EXOC4: variants seen among roughly 807,000 people sequenced by gnomAD.
EXOC4 encodes SEC8-like 1.
Under a neutral mutation model 107.2 loss-of-function variants are expected in EXOC4, and 71 were observed. The ratio of observed to expected loss-of-function variants is 0.66; its 90% confidence interval spans 0.55 to 0.81. The LOEUF is 0.81. Among genes scored for constraint, EXOC4 ranks in the 30% least tolerant of loss-of-function variants. The pLI is 0.00. For missense variants in EXOC4, 1,108 were observed against 1,189.6 expected, an observed-to-expected ratio of 0.93 and a Z score of 1.01; for synonymous variants, 456 against 441.2, an observed-to-expected ratio of 1.03 and a Z score of -0.42.
At chr7:133,974,905 G>A (rs1793791371) in intron 14 of EXOC4, among the ~76,000 whole-genome samples, 1 of 152,172 alleles carries the variant, frequency 6.6e-6, no homozygotes, top group Non-Finnish European at 1.5e-5. Flanking sequence ...TATTGATTTT[G>A]CAAGTAGTAA....
At chr7:133,635,080 T>C (rs1413658309) in intron 10 of EXOC4, among the ~76,000 whole-genome samples, 1 of 152,192 alleles carries the variant, frequency 6.6e-6, no homozygotes, top group Non-Finnish European at 1.5e-5. Flanking sequence ...TGAGTGACAT[T>C]ATTTCTCTTC....
At chr7:133,863,625 G>T (rs1798578666) in intron 11 of EXOC4, among the ~76,000 whole-genome samples, 1 of 152,130 alleles carries the variant, frequency 6.6e-6, no homozygotes, top group Non-Finnish European at 1.5e-5. Context: ...TGGTTATATG[G>T]GTGATTTCAC....
At chr7:133,848,533 G>GTA (rs1798180173) in intron 11 of EXOC4, among the ~76,000 whole-genome samples, 1 of 152,200 alleles carries the variant, frequency 6.6e-6, no homozygotes, top group Non-Finnish European at 1.5e-5. Context: ...AGATAGAATG[G>GTA]TATATTCTGT....
chr7:133,261,920 G>A (rs1390823893), intron 1 of EXOC4, among the ~76,000 whole-genome samples: 1 of 152,086 alleles, frequency 6.6e-6, no homozygotes, highest in African/African-American at 2.4e-5. Flanking sequence ...CCTGTCACAC[G>A]TGTGCTGATC....
At chr7:133,547,581 C>A (rs913397753) in intron 9 of EXOC4, among the ~76,000 whole-genome samples, 1 of 152,200 alleles carries the variant, frequency 6.6e-6, no homozygotes. Context: ...TCCCCTCAAA[C>A]GCTGTCACTG....
At chr7:133,778,763 G>T (rs751443042) in intron 10 of EXOC4, among the ~76,000 whole-genome samples, 16 of 152,196 alleles carry the variant, frequency 1.1e-4, no homozygotes, top group Admixed American at 5.9e-4. Flanking sequence ...TTGCTTTATC[G>T]AATCCCTTAT....
At chr7:133,340,588 G>A (rs1584830206) in intron 5 of EXOC4, among the ~76,000 whole-genome samples, 1 of 152,026 alleles carries the variant, frequency 6.6e-6, no homozygotes, top group Admixed American at 6.5e-5. Context: ...GTGGATTAGT[G>A]TCAATAGGAT....
chr7:133,850,487 A>G (rs1369572686), intron 11 of EXOC4, among the ~76,000 whole-genome samples: 1 of 152,098 alleles, frequency 6.6e-6, no homozygotes, highest in Non-Finnish European at 1.5e-5. Context: ...GATATAGTAT[A>G]TAGTATTTCC....
At chr7:133,525,227 G>C (rs1306727615) in intron 9 of EXOC4, among the ~76,000 whole-genome samples, 1 of 152,094 alleles carries the variant, frequency 6.6e-6, no homozygotes, top group Non-Finnish European at 1.5e-5. Context: ...TAATATCACT[G>C]AGCTGCCTTT....
intron 10 of EXOC4, among the ~76,000 whole-genome samples, chr7:133,780,116 C>G (rs1796432260): frequency 1.3e-5 from 2 of 152,014 alleles, no homozygotes; most frequent in African/African-American, 4.8e-5. Flanking sequence ...TTTTGCTTGA[C>G]AAGTCATATT....
intron 10 of EXOC4, among the ~76,000 whole-genome samples, chr7:133,779,743 G>C (rs1796421752): frequency 1.3e-5 from 2 of 152,074 alleles, no homozygotes; most frequent in African/African-American, 4.8e-5. Context: ...TTGTAAAATA[G>C]ACCAATCAGC....
intron 9 of EXOC4, among the ~76,000 whole-genome samples, chr7:133,485,024 G>T (rs371300604): frequency 6.8e-6 from 1 of 147,330 alleles, no homozygotes; most frequent in Non-Finnish European, 1.5e-5. Context: ...AGGTTGCAGT[G>T]AGCCGAGATC....
rs139308956 is a variant in EXOC4, at chr7:133,261,397, G to T, written c.86+8210G>T. On this transcript the variant is annotated intron_variant, in intron 1 of 17. Transcript: ENST00000253861. ...TCCTCCCCACTTAGCCTCCCAAGTT[G>T]CTGAGACTATAGTTGTGTGCCACTG... Among the ~76,000 whole-genome samples the T allele has an allele frequency of 4.1e-4, 62 of 151,726 alleles. 1 individual carries two copies. In the East Asian group the frequency reaches 6.4e-3, roughly 16 times the overall value.
intron 10 of EXOC4, among the ~76,000 whole-genome samples, chr7:133,674,239 G>A (rs1794008036): frequency 6.6e-6 from 1 of 152,100 alleles, no homozygotes; most frequent in African/African-American, 2.4e-5. Flanking sequence ...AACCACAAAT[G>A]GAAATGAGAG....
chr7:133,332,354 G>T (rs1795413254), intron 5 of EXOC4, among the ~76,000 whole-genome samples: 1 of 152,118 alleles, frequency 6.6e-6, no homozygotes, highest in African/African-American at 2.4e-5. Flanking sequence ...TTGGAGGCCG[G>T]GCACAGTGGC....
intron 14 of EXOC4, among the ~76,000 whole-genome samples, chr7:133,986,905 C>G (rs905612972): frequency 6.6e-6 from 1 of 152,132 alleles, no homozygotes; most frequent in African/African-American, 2.4e-5. Context: ...GCAGCATATC[C>G]CTTAGGCATT....
chr7:133,963,435 A>G (rs1216467979), intron 14 of EXOC4, among the ~76,000 whole-genome samples: 1 of 152,224 alleles, frequency 6.6e-6, no homozygotes, highest in East Asian at 1.9e-4. Flanking sequence ...TTGAACCCTC[A>G]GGAATTTCTC....
chr7:133,703,315 A>G (rs1794704831), intron 10 of EXOC4, among the ~76,000 whole-genome samples: 1 of 152,198 alleles, frequency 6.6e-6, no homozygotes, highest in African/African-American at 2.4e-5. Context: ...TGCTGCTAGC[A>G]TGTTGTTCAA....
chr7:133,714,123 G>C (rs538155670), intron 10 of EXOC4, among the ~76,000 whole-genome samples: 7 of 152,226 alleles, frequency 4.6e-5, no homozygotes, highest in African/African-American at 1.7e-4. Context: ...TTCTAGAGTT[G>C]GGAGAGAGTT....
Sources: allele counts gnomAD v4.1 joint callset (sites outside exome capture counted in the v4.1 genomes callset), GRCh38; gene constraint gnomAD v4.1.1; transcripts MANE v1.5; gene names NCBI Gene and HGNC (gene_info 2026-07-23, HGNC 2026-07-21).